Variants in SSBP3 observed in about 807,000 individuals in gnomAD.
SSBP3 encodes the protein single stranded DNA binding protein 3.
SSBP3 carries 5 observed loss-of-function variants against 69.6 expected under a neutral mutation model. That is an observed-to-expected ratio of 0.07 (90% CI 0.04 to 0.15). SSBP3 has a LOEUF of 0.15. SSBP3 is among the 10% of genes least tolerant of loss of function. SSBP3 has a pLI of 1.00. For missense variants in SSBP3, 312 were observed against 534.0 expected, an observed-to-expected ratio of 0.58 and a Z score of 4.10; for synonymous variants, 196 against 193.4, an observed-to-expected ratio of 1.01 and a Z score of -0.11.
intron 4 of SSBP3, among the ~76,000 whole-genome samples, chr1:54,325,770 T>C (rs573295698): frequency 3.9e-5 from 6 of 152,364 alleles, no homozygotes; most frequent in African/African-American, 1.2e-4. Flanking sequence ...CGACTGCCGA[T>C]GTCAATTCAT....
chr1:54,242,236 G>C, intron 10 of SSBP3, 24 bp from the exon 11 acceptor site: 1 of 1,613,570 alleles, frequency 6.2e-7, no homozygotes, highest in Non-Finnish European at 8.5e-7. Context: ...AAAGAGATGT[G>C]GACAATGAAA....
rs771053646 is a variant in SSBP3 at position 54,242,215 on chromosome 1, G to A, written c.717-3C>T. 2 of 1,613,744 alleles carry A rather than the reference G, an allele frequency of 1.2e-6. No individual in the cohort carries two copies. The highest frequency in any genetic ancestry group is 1.7e-6 in the Non-Finnish European group (2 of 1,179,970). The stretch of plus-strand genomic sequence containing the variant: ...AGGGTCTGCCAGCTCCCGGGCCCCT[G>A]AGAGAGGGAGAAAGAGATGTGGACA... On this transcript the variant is annotated splice_polypyrimidine_tract_variant and splice_region_variant and intron_variant, in intron 10 of 17. Transcript: ENST00000610401.
At chr1:54,395,758 G>A (rs1327123063) in intron 4 of SSBP3, among the ~76,000 whole-genome samples, 1 of 152,124 alleles carries the variant, frequency 6.6e-6, no homozygotes, top group African/African-American at 2.4e-5. Context: ...ATGACAAAGT[G>A]GAGACTAGAA....
intron 4 of SSBP3, among the ~76,000 whole-genome samples, chr1:54,335,018 G>A (rs1234413786): frequency 6.6e-6 from 1 of 152,180 alleles, no homozygotes; most frequent in Non-Finnish European, 1.5e-5. Context: ...GCACTGCCCC[G>A]GGAAGAGCTG....
intron 4 of SSBP3, among the ~76,000 whole-genome samples, chr1:54,387,041 T>C (rs559115791): frequency 2.0e-5 from 3 of 152,160 alleles, no homozygotes; most frequent in Non-Finnish European, 4.4e-5. Flanking sequence ...GCAAAACTTT[T>C]ATTCCATGAA....
chr1:54,260,779 G>A (rs1046032657), intron 5 of SSBP3, among the ~76,000 whole-genome samples: 9 of 149,688 alleles, frequency 6.0e-5, no homozygotes, highest in Non-Finnish European at 8.9e-5. Context: ...AATCTGGGGC[G>A]GGAAGAGCAG....
intron 4 of SSBP3, among the ~76,000 whole-genome samples, chr1:54,359,287 A>AT (rs1646916919): frequency 6.6e-6 from 1 of 151,306 alleles, no homozygotes; most frequent in Non-Finnish European, 1.5e-5. Context: ...AACACAGATT[A>AT]TAGCTGCTCT....
intron 4 of SSBP3, among the ~76,000 whole-genome samples, chr1:54,380,910 C>T (rs1188985171): frequency 3.3e-5 from 5 of 151,350 alleles, no homozygotes; most frequent in East Asian, 1.9e-4. Flanking sequence ...TGCTTAAGGC[C>T]GGAAGTTTGA....
At chr1:54,343,268 C>T (rs901041353) in intron 4 of SSBP3, among the ~76,000 whole-genome samples, 2 of 152,216 alleles carry the variant, frequency 1.3e-5, no homozygotes, top group African/African-American at 4.8e-5. Flanking sequence ...AGCCACCCTG[C>T]CTAGGTCCCC....
chr1:54,259,666 G>A (rs2100758132), intron 5 of SSBP3, among the ~76,000 whole-genome samples: 1 of 152,364 alleles, frequency 6.6e-6, no homozygotes, highest in Non-Finnish European at 1.5e-5. Context: ...GAGCCAGGCT[G>A]CCAGCCGCCT....
intron 3 of SSBP3, among the ~76,000 whole-genome samples, chr1:54,402,812 A>G (rs779148163): frequency 3.3e-5 from 5 of 152,208 alleles, no homozygotes; most frequent in Admixed American, 6.5e-5. Context: ...ATGTCAACCA[A>G]TAAAGCCCTA....
chr1:54,244,323 C>T (rs1227201324), intron 9 of SSBP3, among the ~76,000 whole-genome samples: 3 of 152,156 alleles, frequency 2.0e-5, no homozygotes, highest in Non-Finnish European at 2.9e-5. Context: ...AGGCTGGTCT[C>T]GAACTCCTTA....
chr1:54,228,460 C>T, exon 16 of SSBP3: 1 of 1,614,196 alleles, frequency 6.2e-7, no homozygotes, highest in East Asian at 2.2e-5. Flanking sequence ...TTTGGAAGTC[C>T]GTCTATGTCG....
upstream of SSBP3, among the ~76,000 whole-genome samples, chr1:54,410,445 T>C (rs531189721): frequency 2.0e-5 from 3 of 152,316 alleles, no homozygotes; most frequent in Admixed American, 6.5e-5. Context: ...AAGCTCTCTT[T>C]CAGTGCTCCT....
At chr1:54,398,831 T>C (rs929877553) in intron 4 of SSBP3, among the ~76,000 whole-genome samples, 3 of 152,184 alleles carry the variant, frequency 2.0e-5, no homozygotes. Flanking sequence ...CCGTTGCCCC[T>C]GTAAGCACTT....
intron 4 of SSBP3, among the ~76,000 whole-genome samples, chr1:54,284,103 CTTTTTTTTTTTTTT>C (rs5774181): frequency 3.4e-5 from 3 of 87,618 alleles, no homozygotes; most frequent in African/African-American, 5.1e-5. Flanking sequence ...TATTTAACCA[CTTTTTTTTTTTTTT>C]TTTTTTTTTT....
Position 54,239,216 on chromosome 1 carries a change from AC to A in SSBP3, c.857-18del. Reference sequence around the variant, plus strand: ...TTGTTGAATCTGTAGAACAGTGGAAACCCACAAGTCGGGGTGATTAATTCGT... The same window carrying A: ...TTGTTGAATCTGTAGAACAGTGGAAACCACAAGTCGGGGTGATTAATTCGT... On this transcript the variant is annotated intron_variant, in intron 13 of 17. Coordinates refer to ENST00000610401, the Ensembl canonical transcript of SSBP3. The A allele has an allele frequency of 6.3e-7, 1 of 1,594,034 alleles. No homozygotes were observed. Among genetic ancestry groups the A allele is most frequent in the Non-Finnish European group, 8.6e-7 (1 of 1,169,342 alleles).
intron 4 of SSBP3, among the ~76,000 whole-genome samples, chr1:54,340,075 GGATAAGC>G (rs1469109822): frequency 5.3e-5 from 8 of 152,086 alleles, no homozygotes; most frequent in Admixed American, 4.6e-4. Context: ...CCCACCTAGA[GGATAAGC>G]GCCTTCAAGG....
intron 4 of SSBP3, among the ~76,000 whole-genome samples, chr1:54,336,643 C>G (rs151295831): frequency 1.3e-5 from 2 of 152,236 alleles, no homozygotes; most frequent in Non-Finnish European, 2.9e-5. Flanking sequence ...CTCTTCTAAT[C>G]TGTCTGCCAT....
Sources: gnomAD v4.1 joint callset for allele counts (sites outside exome capture counted in the v4.1 genomes callset) on GRCh38, gnomAD v4.1.1 for gene constraint, MANE v1.5 for transcripts, NCBI Gene and HGNC (gene_info 2026-07-23, HGNC 2026-07-21) for gene names.